Variants in GPR19 observed in about 807,000 individuals in gnomAD.
The protein encoded by GPR19 is probable G protein-coupled receptor 19.
GPR19 carries 14 observed loss-of-function variants against 28.5 expected under a neutral mutation model. The observed-to-expected ratio is 0.49, with a 90% CI of 0.32 to 0.77. GPR19 has a LOEUF of 0.77. GPR19 is among the 30% of genes least tolerant of loss of function. The pLI is 0.03. For synonymous variants in GPR19, 173 were observed against 184.1 expected (o/e 0.94, Z 0.49); for missense variants, 409 against 504.1 (o/e 0.81, Z 1.81).
chr12:12,674,209 C>CAAAAAA (rs35775784), intron 3 of GPR19, among the ~76,000 whole-genome samples: 4 of 53,996 alleles, frequency 7.4e-5, no homozygotes, highest in African/African-American at 3.0e-4. Context: ...GACTTTGTCT[C>CAAAAAA]AAAAAAAAAA....
chr12:12,662,213 G>C lies in GPR19; in HGVS notation c.236C>G (p.Ser79Cys), dbSNP rs759922114. The change falls in exon 4 of 4, where the codon TCT becomes TGT. Residue 79 changes from serine to cysteine, a missense_variant. Ser to Cys is a moderately radical substitution (Grantham distance 112). Transcript: ENST00000651487. Reference protein sequence around the residue: ...SIFFGILWLFSIFGNSLVCLV... With the variant: ...SIFFGILWLFCIFGNSLVCLV... Reference sequence around the variant, plus strand: ...ACAAACCAGGGAATTGCCGAAGATAGAAAACAACCACAGAATCCCAAAGAA... The same window carrying C: ...ACAAACCAGGGAATTGCCGAAGATACAAAACAACCACAGAATCCCAAAGAA... 1 of 1,614,214 alleles carries C rather than the reference G, an allele frequency of 6.2e-7. No homozygotes were observed. The highest frequency in any genetic ancestry group is 8.5e-7 in the Non-Finnish European group (1 of 1,180,034).
chr12:12,699,360 A>G (rs965803419), upstream of GPR19, among the ~76,000 whole-genome samples: 8 of 152,122 alleles, frequency 5.3e-5, no homozygotes, highest in African/African-American at 1.9e-4. Flanking sequence ...AAAATTGAAA[A>G]CATACATATT....
At position 12,682,143 on chromosome 12, in the gene GPR19, G is replaced by A. The variant is rs139947818; in HGVS notation, c.-23+2208C>T. 3.3e-4 allele frequency among the ~76,000 whole-genome samples: 50 copies of A among 152,316 alleles called. No homozygotes were observed. The East Asian group carries it at 7.7e-3, about 23-fold the overall frequency. ...GGAGATGGAACCACCCAAAACATCA[G>A]AGGAAAATAAGACTGTTAGGGGTGC... On this transcript the variant is annotated intron_variant, in intron 3 of 3. Coordinates refer to ENST00000651487, the MANE Select transcript of GPR19 (RefSeq NM_006143.3).
chr12:12,683,715 G>T (rs1034550559), intron 3 of GPR19, among the ~76,000 whole-genome samples: 2 of 152,200 alleles, frequency 1.3e-5, no homozygotes, highest in African/African-American at 4.8e-5. Flanking sequence ...AATAGTCAAA[G>T]ACATGAAAAT....
chr12:12,696,941 G>T (rs1946272735), upstream of GPR19, among the ~76,000 whole-genome samples: 1 of 152,072 alleles, frequency 6.6e-6, no homozygotes, highest in African/African-American at 2.4e-5. Context: ...TGTTTCTAAT[G>T]AACCTGAGGA....
intron 3 of GPR19, among the ~76,000 whole-genome samples, chr12:12,681,608 G>A (rs908563010): frequency 8.5e-5 from 13 of 152,328 alleles, no homozygotes; most frequent in African/African-American, 2.9e-4. Flanking sequence ...TGGGGGGCAT[G>A]TAGCACTTGC....
chr12:12,697,822 A>C (rs954029514), upstream of GPR19, among the ~76,000 whole-genome samples: 3 of 152,198 alleles, frequency 2.0e-5, no homozygotes, highest in Non-Finnish European at 4.4e-5. Flanking sequence ...ATACCTTTTA[A>C]CACAAATTTG....
upstream of GPR19, among the ~76,000 whole-genome samples, chr12:12,697,629 G>A (rs1172887734): frequency 1.3e-5 from 2 of 152,120 alleles, no homozygotes; most frequent in Non-Finnish European, 2.9e-5. Flanking sequence ...AAGGAAAGTG[G>A]GATTTTCAAG....
intron 3 of GPR19, among the ~76,000 whole-genome samples, chr12:12,675,150 G>A (rs1009383054): frequency 2.6e-5 from 4 of 152,174 alleles, no homozygotes; most frequent in African/African-American, 7.2e-5. Context: ...ACTTAGGACT[G>A]TTGTGATAGT....
the GPR19 span, among the ~76,000 whole-genome samples, chr12:12,714,772 C>T: frequency 2.0e-5 from 3 of 152,188 alleles, no homozygotes; most frequent in African/African-American, 7.2e-5. Flanking sequence ...TTCAGGGACT[C>T]CATAGTATTT....
chr12:12,673,234 C>T (rs1187563458), intron 3 of GPR19, among the ~76,000 whole-genome samples: 2 of 152,166 alleles, frequency 1.3e-5, no homozygotes, highest in Non-Finnish European at 1.5e-5. Flanking sequence ...AGTCTCCTGG[C>T]AGGGTGTTGG....
chr12:12,710,011 G>A, the GPR19 span, among the ~76,000 whole-genome samples: 1 of 152,146 alleles, frequency 6.6e-6, no homozygotes, highest in African/African-American at 2.4e-5. Context: ...GGACAACAGA[G>A]AAACAATGAG....
At chr12:12,682,662 A>G (rs144589070) in intron 3 of GPR19, among the ~76,000 whole-genome samples, 3 of 152,346 alleles carry the variant, frequency 2.0e-5, no homozygotes, top group East Asian at 1.9e-4. Context: ...CTAAAGTTCA[A>G]TATTGTAGGG....
In GPR19 at chr12:12,661,945, G is replaced by A. The variant is rs1945681338; in HGVS notation, c.504C>T (p.Val168=). The A allele has an allele frequency of 6.2e-7, 1 of 1,614,272 alleles. No homozygotes were observed. The highest frequency in any genetic ancestry group is 1.3e-5 in the African/African-American group (1 of 75,070). Reference sequence around the variant, plus strand: ...TGGACACCTTGAAGCTCAGAGGATAGACGATGGTGTAGAACCGGTCTATGC... The same window carrying A: ...TGGACACCTTGAAGCTCAGAGGATAAACGATGGTGTAGAACCGGTCTATGC... The part of the protein sequence containing the change: ...SICIDRFYTI[V]YPLSFKVSRE... The change falls in exon 4 of 4, where the codon GTC becomes GTT. Residue 168 remains valine, a synonymous_variant. Transcript: ENST00000651487. The surrounding 1 kb of genome is among the most constrained non-coding windows in gnomAD (Gnocchi z 4.2).
At chr12:12,669,383 A>G (rs959920615) in intron 3 of GPR19, among the ~76,000 whole-genome samples, 10 of 152,254 alleles carry the variant, frequency 6.6e-5, no homozygotes, top group Non-Finnish European at 8.8e-5. Context: ...TGAGGAAAAA[A>G]TTTGATCAAT....
chr12:12,697,961 A>G (rs1946290654), upstream of GPR19, among the ~76,000 whole-genome samples: 1 of 152,224 alleles, frequency 6.6e-6, no homozygotes, highest in Non-Finnish European at 1.5e-5. Flanking sequence ...AAGAAAAAAA[A>G]AATGCAGATA....
chr12:12,685,264 T>TA (rs1226576601), intron 2 of GPR19, among the ~76,000 whole-genome samples: 7 of 35,732 alleles, frequency 2.0e-4, no homozygotes, highest in African/African-American at 3.6e-4. Flanking sequence ...TTAAATATGG[T>TA]CTTTTTTTTT....
chr12:12,662,491 T>C (rs763887660), intron 3 of GPR19, 21 bp from the exon 4 acceptor site: 5 of 1,563,264 alleles, frequency 3.2e-6, no homozygotes, highest in Non-Finnish European at 3.5e-6. Flanking sequence ...AAAAGAAGAA[T>C]GAGGCCTCCT....
the GPR19 span, among the ~76,000 whole-genome samples, chr12:12,708,107 C>T: frequency 6.8e-6 from 1 of 146,746 alleles, no homozygotes; most frequent in African/African-American, 2.5e-5. Flanking sequence ...TCAAGCGATA[C>T]TCCCACCTCA....
Sources: gnomAD v4.1 joint callset for allele counts (sites outside exome capture counted in the v4.1 genomes callset) on GRCh38, gnomAD v4.1.1 for gene constraint, Gnocchi (gnomAD v3.1) non-coding constraint, MANE v1.5 for transcripts, NCBI Gene and HGNC (gene_info 2026-07-23, HGNC 2026-07-21) for gene names.